DHTKD1: variants seen among roughly 807,000 people sequenced by gnomAD.
The protein encoded by DHTKD1 is 2-oxoadipate dehydrogenase complex component E1.
A neutral mutation model predicts 101.8 loss-of-function variants in DHTKD1; 78 were observed. That is an observed-to-expected ratio of 0.77 (90% CI 0.64 to 0.93). The LOEUF (loss-of-function observed/expected upper bound fraction) is 0.93, where lower values mean the gene tolerates loss of function less well. DHTKD1 is among the 40% of genes least tolerant of loss of function. The pLI is 0.00. For synonymous variants in DHTKD1, 462 were observed against 450.3 expected (o/e 1.03, Z -0.33); for missense variants, 1,223 against 1,161.7 (o/e 1.05, Z -0.77).
rs1832924565 is a variant in DHTKD1 at position 12,087,663 on chromosome 10, CATT to C, written c.655_657del (p.Ile219del). ...CGGCCTACAGCGGGATCACTGATGT[CATT>C]ATTGGGATGCCCCATAGAGGGAGGC... On this transcript the variant is annotated inframe_deletion, in exon 4 of 17. Coordinates refer to ENST00000263035, the MANE Select transcript of DHTKD1 (RefSeq NM_018706.7). The surrounding 1 kb of genome is among the most constrained non-coding windows in gnomAD (Gnocchi z 5.2). The C allele has an allele frequency of 6.2e-7, 1 of 1,613,836 alleles. No homozygotes were observed. Among genetic ancestry groups the C allele is most frequent in the East Asian group, 2.2e-5 (1 of 44,882 alleles).
chr10:12,118,169 C>T (rs971077522), intron 14 of DHTKD1, among the ~76,000 whole-genome samples: 2 of 151,996 alleles, frequency 1.3e-5, no homozygotes, highest in Non-Finnish European at 2.9e-5. Context: ...GGATTGCAGG[C>T]GTGAGCCACC....
At chr10:12,095,133 G>C (rs756179738) in intron 7 of DHTKD1, among the ~76,000 whole-genome samples, 1 of 152,152 alleles carries the variant, frequency 6.6e-6, no homozygotes, top group East Asian at 1.9e-4. Flanking sequence ...GACCTGCCTG[G>C]CACCTTGGTG....
chr10:12,116,558 C>CCCAGAAGGCGGAGGTTGCAG, intron 13 of DHTKD1, among the ~76,000 whole-genome samples: 1 of 151,264 alleles, frequency 6.6e-6, no homozygotes, highest in East Asian at 2.0e-4. Flanking sequence ...GCCCAGCTAA[C>CCCAGAAGGCGGAGGTTGCAG]TTTTATAATT....
Position 12,111,319 on chromosome 10 carries a change from C to T in DHTKD1, c.2155-1581C>T, listed in dbSNP as rs190524387. On this transcript the variant is annotated intron_variant, in intron 12 of 16. Coordinates refer to ENST00000263035, the MANE Select transcript of DHTKD1 (RefSeq NM_018706.7). ...TAGCTGGGATTATAGGCTTGTGCCACGATGCCCGGCTAATTTTTGTATTTT... is the reference window on the plus strand; with the variant it reads ...TAGCTGGGATTATAGGCTTGTGCCATGATGCCCGGCTAATTTTTGTATTTT... Among the ~76,000 whole-genome samples, 1,170 of 152,236 alleles carry T rather than the reference C, an allele frequency of 7.7e-3. 5 individuals carry two copies. The highest frequency in any genetic ancestry group is 0.013 in the Non-Finnish European group (889 of 68,022).
At chr10:12,079,243 C>G (rs1208478267) in intron 1 of DHTKD1, among the ~76,000 whole-genome samples, 1 of 152,102 alleles carries the variant, frequency 6.6e-6, no homozygotes, top group Non-Finnish European at 1.5e-5. Context: ...CACCACCATG[C>G]CTGGCTACCA....
intron 1 of DHTKD1, among the ~76,000 whole-genome samples, chr10:12,076,995 A>AAAAAAAAAG (rs1554790544): frequency 1.7e-3 from 218 of 128,042 alleles, no homozygotes; most frequent in Non-Finnish European, 3.0e-3. Context: ...AAAAAAAAAA[A>AAAAAAAAAG]GGAAGAAAAA....
chr10:12,115,976 G>C (rs1187158224), intron 13 of DHTKD1, among the ~76,000 whole-genome samples: 1 of 151,082 alleles, frequency 6.6e-6, no homozygotes, highest in Non-Finnish European at 1.5e-5. Context: ...TGTCACCCAG[G>C]CTGGAGTGCA....
chr10:12,117,035 C>A (rs571788261), intron 13 of DHTKD1, among the ~76,000 whole-genome samples: 2 of 151,836 alleles, frequency 1.3e-5, no homozygotes, highest in Non-Finnish European at 2.9e-5. Context: ...TGAGGTCTTG[C>A]TCTGTTGCCC....
In DHTKD1 at chr10:12,121,578, G is replaced by A. The variant is rs1833528188; in HGVS notation, c.*690G>A. On this transcript the variant is annotated 3_prime_UTR_variant, in exon 17 of 17. Transcript: ENST00000263035. Reference sequence around the variant, plus strand: ...AGTTCAAGACCAGCCTGGTCAACGTGGTGAAACGCCGTTTCTACTAAAAAT... The same window carrying A: ...AGTTCAAGACCAGCCTGGTCAACGTAGTGAAACGCCGTTTCTACTAAAAAT... 6.6e-6 allele frequency: 1 copy of A among 152,292 alleles called. No homozygotes were observed. The highest frequency in any genetic ancestry group is 6.5e-5 in the Admixed American group (1 of 15,268). The allele number at this position is 152,292 out of a possible 1,614,324, so 9.4% of individuals were successfully genotyped here. A position where few individuals can be genotyped will look rare whatever the true frequency, so the allele number is the denominator to read the frequency against.
intron 13 of DHTKD1, chr10:12,116,280 A>G (rs994896547): frequency 1.3e-4 from 19 of 151,980 alleles, no homozygotes; most frequent in African/African-American, 4.6e-4. Context: ...ATCTTTTCTT[A>G]AATTCATTTT....
chr10:12,093,066 G>A (rs1588610215), intron 6 of DHTKD1, among the ~76,000 whole-genome samples: 1 of 139,712 alleles, frequency 7.2e-6, no homozygotes, highest in Non-Finnish European at 1.5e-5. Flanking sequence ...TTTTTGAGAT[G>A]GAGTTTCGCT....
At chr10:12,119,861 C>T (rs1833496704) in intron 15 of DHTKD1, among the ~76,000 whole-genome samples, 1 of 152,140 alleles carries the variant, frequency 6.6e-6, no homozygotes, top group Non-Finnish European at 1.5e-5. Flanking sequence ...TACACCTAAA[C>T]TACAAAACAC....
At chr10:12,097,483 A>T (rs1017855331) in intron 7 of DHTKD1, among the ~76,000 whole-genome samples, 4 of 152,090 alleles carry the variant, frequency 2.6e-5, no homozygotes, top group African/African-American at 9.7e-5. Flanking sequence ...CACGTTGGCC[A>T]GGCTGGTCCC....
chr10:12,077,546 G>A (rs1832753036), intron 1 of DHTKD1, among the ~76,000 whole-genome samples: 1 of 152,288 alleles, frequency 6.6e-6, no homozygotes, highest in South Asian at 2.1e-4. Context: ...CATTCATTAA[G>A]TCTGGATGCT....
In DHTKD1 at chr10:12,085,309, CA is replaced by C. The variant is rs967239126; in HGVS notation, c.522+568del. On this transcript the variant is annotated intron_variant, in intron 3 of 16. Transcript: ENST00000263035. ...TGGGTGACAGAGCGAGACTCTGTCT[CA>C]AAAAAAAAAGATATATAACTACTGA... 4.2e-3 allele frequency among the ~76,000 whole-genome samples: 614 copies of C among 145,822 alleles called. 17 individuals carry two copies. Among genetic ancestry groups the C allele is most frequent in the Admixed American group, 0.037 (542 of 14,610 alleles).
Position 12,117,656 on chromosome 10 carries a change from C to G in DHTKD1, c.2320-17C>G. 3 of 1,512,336 alleles carry G rather than the reference C, an allele frequency of 2.0e-6. No homozygotes were observed. Among genetic ancestry groups the G allele is most frequent in the Non-Finnish European group, 2.7e-6 (3 of 1,095,098 alleles). 93.7% of individuals were successfully genotyped at this position (1,512,336 alleles called of 1,614,324 possible). A position where few individuals can be genotyped will look rare whatever the true frequency, so the allele number is the denominator to read the frequency against. On this transcript the variant is annotated splice_polypyrimidine_tract_variant and intron_variant, in intron 13 of 16. Transcript: ENST00000263035. ...TTTCTGTTGCTTGCTGGATGTGTGG[C>G]CTCTTCTCCCTCGTAGGCAGCCGTG...
At chr10:12,085,982 T>A (rs1832890832) in intron 3 of DHTKD1, among the ~76,000 whole-genome samples, 1 of 152,044 alleles carries the variant, frequency 6.6e-6, no homozygotes, top group Non-Finnish European at 1.5e-5. Context: ...GATGGAGTCT[T>A]GCCCTGTCGC....
intron 1 of DHTKD1, among the ~76,000 whole-genome samples, chr10:12,075,123 A>T (rs1239368347): frequency 1.3e-5 from 2 of 152,128 alleles, no homozygotes; most frequent in Non-Finnish European, 2.9e-5. Context: ...AAAAAGAAAA[A>T]AGAAAACATC....
chr10:12,081,234 A>G (rs1588603918), intron 1 of DHTKD1, among the ~76,000 whole-genome samples: 3 of 131,446 alleles, frequency 2.3e-5, no homozygotes, highest in African/African-American at 9.0e-5. Flanking sequence ...AGATTGTGCC[A>G]CTGCACTCCA....
Sources: allele counts gnomAD v4.1 joint callset (sites outside exome capture counted in the v4.1 genomes callset), GRCh38; gene constraint gnomAD v4.1.1; non-coding constraint Gnocchi (gnomAD v3.1); transcripts MANE v1.5; gene names NCBI Gene and HGNC (gene_info 2026-07-23, HGNC 2026-07-21).